Variants in NDC80 observed in about 807,000 individuals in gnomAD.
NDC80 encodes the protein NDC80 kinetochore complex component, also known as kinetochore protein NDC80 homolog.
In NDC80, 69 loss-of-function variants were observed where a neutral mutation model predicts 89.3. That is an observed-to-expected ratio of 0.77 (90% CI 0.64 to 0.94). NDC80 has a LOEUF of 0.94. Among genes scored for constraint, NDC80 ranks in the 40% least tolerant of loss-of-function variants. The pLI is 0.00. For synonymous variants in NDC80, 243 were observed against 255.6 expected (o/e 0.95, Z 0.47); for missense variants, 593 against 739.6 (o/e 0.80, Z 2.30).
chr18:2,583,338 C>T (rs1279300915), intron 6 of NDC80, among the ~76,000 whole-genome samples: 1 of 152,096 alleles, frequency 6.6e-6, no homozygotes, highest in Non-Finnish European at 1.5e-5. Context: ...TGTCTTTACC[C>T]TGATGACAAG....
intron 14 of NDC80, among the ~76,000 whole-genome samples, chr18:2,607,283 T>C (rs924812085): frequency 4.6e-5 from 7 of 152,160 alleles, no homozygotes; most frequent in African/African-American, 1.7e-4. Flanking sequence ...GAGTTTACTC[T>C]CTGACGCACT....
chr18:2,586,524 G>A (rs2072603832), intron 7 of NDC80, among the ~76,000 whole-genome samples: 1 of 152,156 alleles, frequency 6.6e-6, no homozygotes, highest in Non-Finnish European at 1.5e-5. Flanking sequence ...GAGCTCCAGA[G>A]TTCAAGACCA....
At chr18:2,609,210 A>G (rs1222838864) in intron 15 of NDC80, among the ~76,000 whole-genome samples, 3 of 152,162 alleles carry the variant, frequency 2.0e-5, no homozygotes. Flanking sequence ...ATTTCCTAGA[A>G]ATTATGTATA....
At chr18:2,613,855 C>T (rs1377202722) in intron 16 of NDC80, among the ~76,000 whole-genome samples, 1 of 152,076 alleles carries the variant, frequency 6.6e-6, no homozygotes, top group Non-Finnish European at 1.5e-5. Context: ...AGATTACCAT[C>T]CAGATATACA....
rs186397208 is a variant in NDC80, at chr18:2,597,099, A to G, written c.1221+1478A>G. Among the ~76,000 whole-genome samples, 120 of 152,246 alleles carry G rather than the reference A, an allele frequency of 7.9e-4. 1 individual carries two copies. The highest frequency in any genetic ancestry group is 3.6e-3 in the Admixed American group (55 of 15,288). On this transcript the variant is annotated intron_variant, in intron 11 of 16. Transcript: ENST00000261597. ...TAAATGATGAGTTAATGGGTGCAGC[A>G]CACCAGCATGGCACATGTATACATA... is the stretch of plus-strand genomic sequence containing the variant.
At chr18:2,585,874 TA>T (rs1452612900) in intron 7 of NDC80, among the ~76,000 whole-genome samples, 1 of 152,184 alleles carries the variant, frequency 6.6e-6, no homozygotes, top group Non-Finnish European at 1.5e-5. Flanking sequence ...TTGGCAACAT[TA>T]TTTTAATGTA....
At chr18:2,576,838 T>C (rs1317262121) in intron 3 of NDC80, among the ~76,000 whole-genome samples, 1 of 152,198 alleles carries the variant, frequency 6.6e-6, no homozygotes, top group African/African-American at 2.4e-5. Flanking sequence ...AACCCCAAAA[T>C]TAAGACAATA....
At chr18:2,612,276 CTTTTTTTTTTTTTTTTT>C (rs55648444) in intron 16 of NDC80, among the ~76,000 whole-genome samples, 2 of 60,398 alleles carry the variant, frequency 3.3e-5, no homozygotes, top group Admixed American at 2.7e-4. Flanking sequence ...TCTTTTCTTT[CTTTTTTTTTTTTTTTTT>C]TTTTTTTTTT....
chr18:2,613,334 G>A (rs1310408427), intron 16 of NDC80, among the ~76,000 whole-genome samples: 20 of 152,234 alleles, frequency 1.3e-4, no homozygotes, highest in Non-Finnish European at 4.4e-5. Context: ...TGCTTTTCCT[G>A]TGAGACACAA....
intron 6 of NDC80, among the ~76,000 whole-genome samples, chr18:2,580,367 T>C (rs2072570434): frequency 1.3e-5 from 2 of 152,028 alleles, no homozygotes; most frequent in African/African-American, 4.8e-5. Flanking sequence ...TGCTGTTTTA[T>C]CTGTTCAGAA....
In NDC80 at chr18:2,595,618, AG is replaced by A; in HGVS notation, c.1219del (p.Ala407ArgfsTer6). 6.2e-7 allele frequency: 1 copy of A among 1,612,872 alleles called. No individual in the cohort carries two copies. Among genetic ancestry groups the A allele is most frequent in the Non-Finnish European group, 8.5e-7 (1 of 1,179,256 alleles). ...AGTTAAAATATGCCAGAGGCAAAGA[AG>A]CGGTATGTCATACCATTTCCAGAGT... is the stretch of plus-strand genomic sequence containing the variant. ...EELKYARGKE[A>X]IETQLAEYHK... On this transcript the variant is annotated frameshift_variant and splice_region_variant, in exon 11 of 17. Coordinates refer to ENST00000261597, the MANE Select transcript of NDC80 (RefSeq NM_006101.3). LOFTEE classifies it high-confidence loss of function.
intron 14 of NDC80, among the ~76,000 whole-genome samples, chr18:2,608,227 A>T (rs1480385806): frequency 6.7e-6 from 1 of 150,080 alleles, no homozygotes; most frequent in Non-Finnish European, 1.5e-5. Flanking sequence ...TTTTTTTGAG[A>T]CAGTGTCTCG....
At position 2,596,854 on chromosome 18, in the gene NDC80, T is replaced by G. The variant is rs1464731935; in HGVS notation, c.1221+1233T>G. On this transcript the variant is annotated intron_variant, in intron 11 of 16. Coordinates refer to ENST00000261597, the MANE Select transcript of NDC80 (RefSeq NM_006101.3). ...TGGAATACTATGCAGCCGTAAAAAA[T>G]GATGAGTTCATGTCCTTTGTAGGGA... 2.0e-5 allele frequency among the ~76,000 whole-genome samples: 3 copies of G among 151,006 alleles called. No homozygotes were observed. In the South Asian group the frequency reaches 6.3e-4, roughly 32 times the overall value.
intron 10 of NDC80, among the ~76,000 whole-genome samples, chr18:2,593,051 TGTGTC>T (rs1181564743): frequency 2.1e-4 from 25 of 118,992 alleles, no homozygotes; most frequent in African/African-American, 6.8e-4. Flanking sequence ...TGTGTGTGTG[TGTGTC>T]TTTTTTTTTT....
At chr18:2,613,588 A>T (rs948548148) in intron 16 of NDC80, among the ~76,000 whole-genome samples, 1 of 152,266 alleles carries the variant, frequency 6.6e-6, no homozygotes, top group Non-Finnish European at 1.5e-5. Context: ...CACAGAAATC[A>T]GTTCCAGATG....
intron 2 of NDC80, among the ~76,000 whole-genome samples, chr18:2,573,931 G>A (rs2072532787): frequency 6.7e-6 from 1 of 148,548 alleles, no homozygotes; most frequent in Non-Finnish European, 1.5e-5. Context: ...TTCTAATACA[G>A]AGCAGGCTCT....
chr18:2,613,443 G>A (rs982126876), intron 16 of NDC80, among the ~76,000 whole-genome samples: 1 of 152,160 alleles, frequency 6.6e-6, no homozygotes, highest in Non-Finnish European at 1.5e-5. Context: ...AGAAAGACCA[G>A]TCTCTGTGAT....
At chr18:2,576,422 C>A (rs2072546774) in intron 3 of NDC80, among the ~76,000 whole-genome samples, 2 of 152,212 alleles carry the variant, frequency 1.3e-5, no homozygotes, top group African/African-American at 4.8e-5. Context: ...CAGCTAGATT[C>A]TAATACTTGC....
chr18:2,593,056 CT>C (rs764064487), intron 10 of NDC80, among the ~76,000 whole-genome samples: 1,159 of 65,032 alleles, frequency 0.018, 45 homozygotes, highest in African/African-American at 0.056. Flanking sequence ...GTGTGTGTGT[CT>C]TTTTTTTTTT....
Sources: allele counts gnomAD v4.1 joint callset (sites outside exome capture counted in the v4.1 genomes callset), GRCh38; gene constraint gnomAD v4.1.1; transcripts MANE v1.5; gene names NCBI Gene and HGNC (gene_info 2026-07-23, HGNC 2026-07-21).